The following PRDM15 variants were observed in gnomAD, a reference collection of about 807,000 sequenced individuals.
The protein encoded by PRDM15 is PR/SET domain 15, also known as PR domain zinc finger protein 15.
PRDM15 carries 64 observed loss-of-function variants against 128.6 expected under a neutral mutation model. That is an observed-to-expected ratio of 0.50 (90% CI 0.41 to 0.61). The LOEUF is 0.61. Among genes scored for constraint, PRDM15 ranks in the 20% least tolerant of loss-of-function variants. PRDM15 has a pLI of 0.00. For synonymous variants in PRDM15, 615 were observed against 621.8 expected (o/e 0.99, Z 0.16); for missense variants, 1,242 against 1,569.1 (o/e 0.79, Z 3.52).
chr21:41,854,889 G>A lies in PRDM15; in HGVS notation c.286-71C>T, dbSNP rs2063533954. ...ACCCATCTGTGTATCAGCGTGTGGG[G>A]GGCAGGTGCTGAGGAACCCATCTAG... On this transcript the variant is annotated intron_variant, in intron 4 of 23. Transcript: ENST00000398548. This position sits in a 1 kb window ranked among gnomAD's most constrained non-coding sequence, Gnocchi z 4.6. 9 of 1,523,876 alleles carry A rather than the reference G, an allele frequency of 5.9e-6. No homozygotes were observed. In the South Asian group the frequency reaches 1.1e-4, roughly 19 times the overall value. 94.4% of individuals were successfully genotyped at this position (1,523,876 alleles called of 1,614,324 possible). A position where few individuals can be genotyped will look rare whatever the true frequency, so the allele number is the denominator to read the frequency against.
intron 1 of PRDM15, chr21:41,871,413 AAGC>A: frequency 8.3e-7 from 1 of 1,210,298 alleles, no homozygotes; most frequent in South Asian, 2.0e-5. Flanking sequence ...TGTCCCTCTT[AAGC>A]AGCAGCTGCC....
chr21:41,804,744 C>T (rs990267516), intron 21 of PRDM15, 130 bp from the exon 22 acceptor site: 1 of 632,728 alleles, frequency 1.6e-6, no homozygotes, highest in Non-Finnish European at 2.7e-6. Flanking sequence ...CCCCGCACTT[C>T]CCAGTCTCCT....
chr21:41,878,633 T>C, intron 1 of PRDM15: 3 of 1,048,502 alleles, frequency 2.9e-6, no homozygotes, highest in Non-Finnish European at 4.0e-6. Context: ...CCTCGCTACC[T>C]TCTCTCTGCC....
intron 21 of PRDM15, among the ~76,000 whole-genome samples, chr21:41,805,982 C>A (rs1454401606): frequency 1.1e-5 from 1 of 93,774 alleles, no homozygotes; most frequent in Non-Finnish European, 2.4e-5. Context: ...ATTCCTATCA[C>A]CACTATCACC....
At position 41,828,909 on chromosome 21, in the gene PRDM15, TACAA is replaced by T. The variant is rs1166358006; in HGVS notation, c.1367-580_1367-577del. 6.7e-6 allele frequency among the ~76,000 whole-genome samples: 1 copy of T among 148,490 alleles called. No individual in the cohort carries two copies. Among genetic ancestry groups the T allele is most frequent in the Non-Finnish European group, 1.5e-5 (1 of 67,178 alleles). ...CACACACAATCACACACCACACAAA[TACAA>T]ACACACTCAACACACACCCCCCACA... On this transcript the variant is annotated intron_variant, in intron 11 of 23. Coordinates refer to ENST00000398548, the MANE Select transcript of PRDM15 (RefSeq NM_001040424.3). This position sits in a 1 kb window ranked among gnomAD's most constrained non-coding sequence, Gnocchi z 5.7.
chr21:41,870,910 G>T (rs1437935292), intron 1 of PRDM15: 1 of 152,404 alleles, frequency 6.6e-6, no homozygotes, highest in Non-Finnish European at 1.5e-5. Context: ...GTGAGTTATG[G>T]CCCCTCCAAG....
intron 11 of PRDM15, among the ~76,000 whole-genome samples, chr21:41,833,909 C>T (rs1397327293): frequency 6.6e-6 from 1 of 152,198 alleles, no homozygotes. Flanking sequence ...CTCTTGGGAA[C>T]CCCGAAACCC....
In PRDM15 at chr21:41,837,928, A is replaced by G. The variant is rs368812785; in HGVS notation, c.1001+6T>C. ...AGGACGGCCCCAGGTGCCAGGCAGGACTTACTTTGGAACCGAGCTGGTGTC... is the reference window on the plus strand; with the variant it reads ...AGGACGGCCCCAGGTGCCAGGCAGGGCTTACTTTGGAACCGAGCTGGTGTC... On this transcript the variant is annotated splice_donor_region_variant and intron_variant, in intron 8 of 23. Coordinates refer to ENST00000398548, the MANE Select transcript of PRDM15 (RefSeq NM_001040424.3). 36 of 1,613,950 alleles carry G rather than the reference A, an allele frequency of 2.2e-5. No homozygotes were observed. Among genetic ancestry groups the G allele is most frequent in the Middle Eastern group, 1.6e-4 (1 of 6,084 alleles).
At position 41,854,554 on chromosome 21, in the gene PRDM15, G is replaced by A. The variant is rs770920948; in HGVS notation, c.538+12C>T. On this transcript the variant is annotated intron_variant, in intron 5 of 23. Coordinates refer to ENST00000398548, the MANE Select transcript of PRDM15 (RefSeq NM_001040424.3). The surrounding 1 kb of genome is among the most constrained non-coding windows in gnomAD (Gnocchi z 4.6). ...AGGGAAGGTGGGCTCCGGATCGGGG[G>A]CCGCCACATACCGTGGACGCCAGAG... 2 of 1,611,556 alleles carry A rather than the reference G, an allele frequency of 1.2e-6. No homozygotes were observed. Among genetic ancestry groups the A allele is most frequent in the South Asian group, 1.1e-5 (1 of 91,076 alleles).
rs2061344095 is a variant in PRDM15, at chr21:41,798,252, A to AT, written c.*2987dup. On this transcript the variant is annotated 3_prime_UTR_variant, in exon 24 of 24. Coordinates refer to ENST00000398548, the MANE Select transcript of PRDM15 (RefSeq NM_001040424.3). ...GAAAACACGGGTCACAGCACCTTTT[A>AT]TTCGTCATCATACAACCTGATGTGA... 1.3e-5 allele frequency: 2 copies of AT among 152,160 alleles called. No homozygotes were observed. 9.4% of individuals were successfully genotyped at this position (152,160 alleles called of 1,614,324 possible).
rs1281170751 is a variant in PRDM15, at chr21:41,879,193, C to T, written c.-10+77G>A. ...CGGGCCCAGGGCGCGCCGGGGCTCG[C>T]GGGGGCAGCGGGTGCGGCCCGGGGC... On this transcript the variant is annotated intron_variant, in intron 1 of 23. Transcript: ENST00000398548. The surrounding 1 kb of genome is among the most constrained non-coding windows in gnomAD (Gnocchi z 5.1). The T allele has an allele frequency of 3.3e-6, 2 of 598,632 alleles. No individual in the cohort carries two copies. The highest frequency in any genetic ancestry group is 2.0e-4 in the East Asian group (1 of 5,036). The allele number at this position is 598,632 out of a possible 1,614,324, so 37.1% of individuals were successfully genotyped here.
rs17113941 is a variant in PRDM15 at position 41,801,079 on chromosome 21, C to T, written c.*161G>A. 1.6e-3 allele frequency: 1,708 copies of T among 1,047,302 alleles called. 21 individuals are homozygous for T. The African/African-American group carries it at 0.024, about 15-fold the overall frequency. 64.9% of individuals were successfully genotyped at this position (1,047,302 alleles called of 1,614,324 possible). On this transcript the variant is annotated 3_prime_UTR_variant, in exon 24 of 24. Transcript: ENST00000398548. ...CCCTTCTAGAGTTAAGCTGACAGAC[C>T]GTAATGGTTGCTGGCGGGGGATCTG...
intron 1 of PRDM15, chr21:41,878,723 T>TG (rs1234175977): frequency 6.4e-7 from 1 of 1,571,650 alleles, no homozygotes. Context: ...AACGCGGGGT[T>TG]GGGGGTCCAG....
At position 41,821,157 on chromosome 21, in the gene PRDM15, C is replaced by T. The variant is rs1325984932; in HGVS notation, c.1970G>A (p.Ser657Asn). ...CAGTGCAAAGCGCCGGTTGCAGATGCTGCAGCCATAGCCCTTCTCCTTGTG... is the reference window on the plus strand; with the variant it reads ...CAGTGCAAAGCGCCGGTTGCAGATGTTGCAGCCATAGCCCTTCTCCTTGTG... ...EVHKEKGYGCSICNRRFALKA... is the reference protein window; with the variant it reads ...EVHKEKGYGCNICNRRFALKA... Residue 657 changes from serine (S) to asparagine (N), a missense_variant, in exon 16 of 24, where the codon AGC becomes AAC. By Grantham distance (46) the Ser-to-Asn change is conservative (BLOSUM62 1). This residue lies in a region of PRDM15 where 602 missense variants were observed against 788.3 expected (regional missense o/e 0.76). Coordinates refer to ENST00000398548, the MANE Select transcript of PRDM15 (RefSeq NM_001040424.3). This position sits in a 1 kb window ranked among gnomAD's most constrained non-coding sequence, Gnocchi z 5.4. 6.2e-7 allele frequency: 1 copy of T among 1,614,228 alleles called. No individual in the cohort carries two copies. Among genetic ancestry groups the T allele is most frequent in the South Asian group, 1.1e-5 (1 of 91,082 alleles).
intron 4 of PRDM15, among the ~76,000 whole-genome samples, chr21:41,855,117 T>C (rs547571659): frequency 3.9e-5 from 6 of 152,318 alleles, no homozygotes; most frequent in South Asian, 2.1e-4. Context: ...ACTCAAGTTC[T>C]AATCAGGTTC....
Position 41,810,820 on chromosome 21 carries a change from C to T in PRDM15, c.2409G>A (p.Met803Ile). The change falls in exon 20 of 24, where the codon ATG becomes ATA. Residue 803 changes from methionine to isoleucine, a missense_variant. Around this residue, in one of 3 missense-constraint regions of PRDM15, gnomAD observed 602 missense variants for 788.3 expected, o/e 0.76. Transcript: ENST00000398548. The surrounding 1 kb of genome is among the most constrained non-coding windows in gnomAD (Gnocchi z 6.4). Reference sequence around the variant, plus strand: ...TGAATGTCTTCCCACACAATTCACACATGAAATCTTTAATCCCTGCAGAGA... The same window carrying T: ...TGAATGTCTTCCCACACAATTCACATATGAAATCTTTAATCCCTGCAGAGA... ...CKRHTGIKDF[M>I]CELCGKTFSE... 3.7e-6 allele frequency: 6 copies of T among 1,614,158 alleles called. No homozygotes were observed. Among genetic ancestry groups the T allele is most frequent in the Non-Finnish European group, 4.2e-6 (5 of 1,180,018 alleles).
intron 9 of PRDM15, 48 bp downstream of exon 9, chr21:41,836,420 C>G: frequency 6.4e-7 from 1 of 1,571,974 alleles, no homozygotes; most frequent in Non-Finnish European, 8.7e-7. Flanking sequence ...ACCCCCAGCC[C>G]CAGTCCTGGC....
At chr21:41,874,525 A>ATATATTTT in intron 1 of PRDM15, among the ~76,000 whole-genome samples, 73 of 95,804 alleles carry the variant, frequency 7.6e-4, no homozygotes, top group Middle Eastern at 7.0e-3. Flanking sequence ...ATATATATAT[A>ATATATTTT]TTTTTTTTTT....
chr21:41,824,226 G>C (rs28694651), intron 13 of PRDM15, among the ~76,000 whole-genome samples: 93,032 of 152,040 alleles, frequency 0.61, 28,704 homozygotes, highest in Admixed American at 0.67. Context: ...TCGCTAGGGA[G>C]AGGATGCCGG....
Sources: allele counts gnomAD v4.1 joint callset (sites outside exome capture counted in the v4.1 genomes callset), GRCh38; gene constraint gnomAD v4.1.1; regional missense constraint gnomAD v4.1.1; non-coding constraint Gnocchi (gnomAD v3.1); transcripts MANE v1.5; gene names NCBI Gene and HGNC (gene_info 2026-07-23, HGNC 2026-07-21).